The following SPTLC1 variants were observed in gnomAD, a reference collection of about 807,000 sequenced individuals.
SPTLC1 encodes serine palmitoyltransferase long chain base subunit 1.
Under a neutral mutation model 68.9 loss-of-function variants are expected in SPTLC1, and 55 were observed. That is an observed-to-expected ratio of 0.80 (90% CI 0.64 to 1.00). The LOEUF is 1.00. SPTLC1 is among the 50% of genes least tolerant of loss of function. The pLI, the probability that SPTLC1 is intolerant of heterozygous loss-of-function variation, is 0.00. For missense variants in SPTLC1, 449 were observed against 573.1 expected (o/e 0.78, Z 2.21); for synonymous variants, 197 against 201.6 (o/e 0.98, Z 0.19).
intron 3 of SPTLC1, among the ~76,000 whole-genome samples, chr9:92,101,328 C>T (rs1481964962): frequency 2.0e-5 from 3 of 151,456 alleles, no homozygotes; most frequent in Admixed American, 6.6e-5. Flanking sequence ...TTTGGAAGGC[C>T]GAGGTGGGCG....
intron 13 of SPTLC1, among the ~76,000 whole-genome samples, chr9:92,035,807 T>C (rs1326659653): frequency 6.6e-6 from 1 of 152,186 alleles, no homozygotes; most frequent in Non-Finnish European, 1.5e-5. Context: ...AAAACCATAC[T>C]AGGCAATGAC....
At position 92,049,979 on chromosome 9, in the gene SPTLC1, G is replaced by A; in HGVS notation, c.869C>T (p.Thr290Ile). Reference sequence around the variant, plus strand: ...ACTTACATTGATTCCATAGTGTTCAGTGACTCCTCGGCCATGCTCTCCTAG... The same window carrying A: ...ACTTACATTGATTCCATAGTGTTCAATGACTCCTCGGCCATGCTCTCCTAG... ...GVLGEHGRGV[T>I]EHYGINIDDI... Residue 290 changes from threonine to isoleucine, a missense_variant, in exon 9 of 15, where the codon ACT (threonine) becomes ATT (isoleucine). Coordinates refer to ENST00000262554, the MANE Select transcript of SPTLC1 (RefSeq NM_006415.4). 1.2e-6 allele frequency: 2 copies of A among 1,611,848 alleles called. No homozygotes were observed. The highest frequency in any genetic ancestry group is 1.7e-6 in the Non-Finnish European group (2 of 1,177,936).
intron 5 of SPTLC1, chr9:92,079,214 T>C (rs1135525): frequency 2.5e-6 from 1 of 407,350 alleles, no homozygotes; most frequent in Non-Finnish European, 3.9e-6. Flanking sequence ...TAGCTGGGAT[T>C]ACAGGTATCC....
intron 3 of SPTLC1, among the ~76,000 whole-genome samples, chr9:92,090,962 C>T (rs1162426020): frequency 1.3e-5 from 2 of 152,092 alleles, no homozygotes; most frequent in African/African-American, 2.4e-5. Flanking sequence ...TCATCTGTGG[C>T]GCTAGCTACC....
chr9:92,081,618 G>A (rs887783027), intron 3 of SPTLC1, among the ~76,000 whole-genome samples: 1 of 152,218 alleles, frequency 6.6e-6, no homozygotes, highest in Non-Finnish European at 1.5e-5. Flanking sequence ...TTCGAGCCAT[G>A]AGCCATGTTT....
At chr9:92,108,148 A>G (rs1358931563) in intron 3 of SPTLC1, 3 of 155,136 alleles carry the variant, frequency 1.9e-5, no homozygotes, top group Middle Eastern at 3.4e-3. Flanking sequence ...TAGGTGTCTG[A>G]TATCTATATC....
chr9:92,038,618 C>A (rs1833233425), intron 12 of SPTLC1, among the ~76,000 whole-genome samples: 1 of 152,232 alleles, frequency 6.6e-6, no homozygotes, highest in South Asian at 2.1e-4. Context: ...GCCCCAGCCT[C>A]CCACCAGGGA....
At chr9:92,052,678 T>A (rs541560818) in intron 8 of SPTLC1, among the ~76,000 whole-genome samples, 1 of 151,582 alleles carries the variant, frequency 6.6e-6, no homozygotes, top group Non-Finnish European at 1.5e-5. Context: ...TACAGGCGTG[T>A]ACCACCACAC....
chr9:92,051,194 G>C (rs949822842), intron 8 of SPTLC1: 74 of 980,518 alleles, frequency 7.5e-5, no homozygotes, highest in Non-Finnish European at 8.6e-5. Context: ...AATATATTTA[G>C]ATTTCCTCAG....
intron 14 of SPTLC1, among the ~76,000 whole-genome samples, chr9:92,034,499 G>A (rs191172249): frequency 1.3e-5 from 2 of 152,252 alleles, no homozygotes; most frequent in Admixed American, 6.5e-5. Flanking sequence ...AACTCCTGGT[G>A]TGGCATGTGC....
chr9:92,044,130 G>A (rs577295606), intron 12 of SPTLC1, among the ~76,000 whole-genome samples: 1 of 152,320 alleles, frequency 6.6e-6, no homozygotes, highest in East Asian at 1.9e-4. Context: ...CAGCTGCAGT[G>A]GTCCAGGGTG....
At chr9:92,079,021 G>T in intron 5 of SPTLC1, 1 of 961,346 alleles carries the variant, frequency 1.0e-6, no homozygotes, top group African/African-American at 1.8e-5. Flanking sequence ...TCCCCACACT[G>T]TGTCATTTTA....
chr9:92,042,555 AGGT>A (rs1402810390), intron 12 of SPTLC1, among the ~76,000 whole-genome samples: 1 of 152,210 alleles, frequency 6.6e-6, no homozygotes, highest in Non-Finnish European at 1.5e-5. Flanking sequence ...TTCCCTTTAA[AGGT>A]TCCATAAAGG....
chr9:92,059,468 T>C (rs561546761), intron 6 of SPTLC1, among the ~76,000 whole-genome samples, 160 bp from the exon 7 acceptor site: 35 of 152,378 alleles, frequency 2.3e-4, no homozygotes, highest in African/African-American at 7.9e-4. Context: ...TTGTTTGCTC[T>C]TCATCCATGA....
chr9:92,067,936 C>T (rs1834350384), intron 6 of SPTLC1, 30 bp downstream of exon 6: 4 of 1,608,636 alleles, frequency 2.5e-6, no homozygotes, highest in Non-Finnish European at 1.7e-6. Flanking sequence ...AAAGGAACTG[C>T]TATTAGAAAA....
intron 2 of SPTLC1, chr9:92,110,758 A>G (rs1836202787): frequency 6.6e-6 from 1 of 152,184 alleles, no homozygotes; most frequent in Non-Finnish European, 1.5e-5. Context: ...AATACCCATT[A>G]TCCTCTTAGT....
intron 13 of SPTLC1, among the ~76,000 whole-genome samples, chr9:92,037,547 C>T (rs1469271547): frequency 6.6e-6 from 1 of 152,166 alleles, no homozygotes; most frequent in Non-Finnish European, 1.5e-5. Flanking sequence ...GCTGCTCTTC[C>T]TCCCCCTTTT....
intron 3 of SPTLC1, among the ~76,000 whole-genome samples, chr9:92,097,352 A>G (rs1835565018): frequency 6.6e-6 from 1 of 152,252 alleles, no homozygotes; most frequent in Admixed American, 6.5e-5. Context: ...ATGCCCATGC[A>G]AAAATGTGTA....
At chr9:92,081,172 C>A (rs990696895) in intron 3 of SPTLC1, among the ~76,000 whole-genome samples, 3 of 151,758 alleles carry the variant, frequency 2.0e-5, no homozygotes, top group African/African-American at 7.3e-5. Context: ...AATAAAATAC[C>A]TGTACTATGA....
Sources: gnomAD v4.1 joint callset for allele counts (sites outside exome capture counted in the v4.1 genomes callset) on GRCh38, gnomAD v4.1.1 for gene constraint, MANE v1.5 for transcripts, NCBI Gene and HGNC (gene_info 2026-07-23, HGNC 2026-07-21) for gene names.